NBAS: variants seen among roughly 807,000 people sequenced by gnomAD.
The protein encoded by NBAS is NBAS subunit of NRZ tethering complex, also known as NAG/BC035112 fusion.
In NBAS, 219 loss-of-function variants were observed where a neutral mutation model predicts 302.5. That is an observed-to-expected ratio of 0.72 (90% CI 0.65 to 0.81). NBAS has a LOEUF of 0.81. Among genes scored for constraint, NBAS ranks in the 30% least tolerant of loss-of-function variants. NBAS has a pLI of 0.00. For synonymous variants in NBAS, 1,118 were observed against 1,021.6 expected (o/e 1.09, Z -1.80); for missense variants, 2,932 against 2,841.6 (o/e 1.03, Z -0.72).
chr2:15,238,395 A>G, intron 45 of NBAS, 73 bp downstream of exon 45: 1 of 1,456,538 alleles, frequency 6.9e-7, no homozygotes, highest in South Asian at 1.2e-5. Flanking sequence ...CAAAACGACT[A>G]ATGTAACTTT....
At position 15,427,600 on chromosome 2, in the gene NBAS, T is replaced by C. The variant is rs1572833672; in HGVS notation, c.2423+111A>G. On this transcript the variant is annotated intron_variant, in intron 22 of 51. Transcript: ENST00000281513. ...TAAAACTTCACTCAAACTTTCTAAA[T>C]TAGGGAGTGTCATCAAGTAAGGTTT... 16 of 884,722 alleles carry C rather than the reference T, an allele frequency of 1.8e-5. No individual in the cohort carries two copies. In the East Asian group the frequency reaches 3.7e-4, roughly 20 times the overall value. The allele number at this position is 884,722 out of a possible 1,614,324, so 54.8% of individuals were successfully genotyped here.
intron 9 of NBAS, among the ~76,000 whole-genome samples, chr2:15,516,321 C>T (rs1411496675): frequency 6.6e-6 from 1 of 151,016 alleles, no homozygotes; most frequent in African/African-American, 2.5e-5. Context: ...TCAGTTCATG[C>T]TCATCAAGCT....
intron 9 of NBAS, among the ~76,000 whole-genome samples, chr2:15,521,896 G>A (rs181478618): frequency 7.2e-5 from 11 of 152,156 alleles, no homozygotes; most frequent in Admixed American, 2.0e-4. Flanking sequence ...ACTACAAGAG[G>A]AGAGTTTAGT....
intron 21 of NBAS, among the ~76,000 whole-genome samples, chr2:15,429,205 A>C (rs1390867401): frequency 6.6e-6 from 1 of 152,192 alleles, no homozygotes; most frequent in African/African-American, 2.4e-5. Flanking sequence ...GAAGGGCTTC[A>C]AACATTCTCT....
At chr2:15,094,162 T>TA in the NBAS span, among the ~76,000 whole-genome samples, 3 of 152,236 alleles carry the variant, frequency 2.0e-5, no homozygotes, top group East Asian at 5.8e-4. Flanking sequence ...GTCAGGCCCA[T>TA]AAAAAAGTCA....
At position 15,238,490 on chromosome 2, in the gene NBAS, A is replaced by G. The variant is rs778150697; in HGVS notation, c.5921T>C (p.Leu1974Pro). The G allele has an allele frequency of 9.3e-6, 15 of 1,614,066 alleles. No individual in the cohort carries two copies. Among genetic ancestry groups the G allele is most frequent in the Middle Eastern group, 1.6e-4 (1 of 6,084 alleles). ...TACCTGCTCACTATTCTTCAGAGAA[A>G]GGATGAAGCTGTGGCTCAGGGTTTC... ...HLETLSHSFI[L>P]SLKNSEQETL... is the part of the protein sequence containing the mutation. The change falls in exon 45 of 52, where the codon CTT becomes CCT. Residue 1974 changes from leucine to proline, a missense_variant. Physicochemically the swap from Leu to Pro is moderately conservative, Grantham distance 98 (BLOSUM62 -3). Coordinates refer to ENST00000281513, the MANE Select transcript of NBAS (RefSeq NM_015909.4).
the NBAS span, among the ~76,000 whole-genome samples, chr2:15,018,067 G>A: frequency 2.6e-4 from 39 of 151,886 alleles, no homozygotes; most frequent in African/African-American, 8.2e-4. Context: ...GTTTTCACTC[G>A]TATGTAGAAA....
At position 15,561,267 on chromosome 2, in the gene NBAS, C is replaced by A. The variant is rs1314106746; in HGVS notation, c.38G>T (p.Gly13Val). 1.5e-5 allele frequency: 25 copies of A among 1,613,824 alleles called. No individual in the cohort carries two copies. The highest frequency in any genetic ancestry group is 2.1e-5 in the Non-Finnish European group (25 of 1,180,052). The change falls in exon 1 of 52, where the codon GGC becomes GTC. Residue 13 changes from glycine (G) to valine (V), a missense_variant. Transcript: ENST00000281513. ...APESGPALSP[G>V]TAEGEEETIL... Reference sequence around the variant, plus strand: ...CGTCTCCTCCTCACCCTCTGCAGTGCCTGGACTCAAAGCCGGCCCTGACTC... The same window carrying A: ...CGTCTCCTCCTCACCCTCTGCAGTGACTGGACTCAAAGCCGGCCCTGACTC...
At chr2:15,099,192 A>T in the NBAS span, among the ~76,000 whole-genome samples, 3 of 151,986 alleles carry the variant, frequency 2.0e-5, no homozygotes, top group African/African-American at 7.2e-5. Flanking sequence ...TGTCCCAGCT[A>T]CTCAGAAGGC....
the NBAS span, among the ~76,000 whole-genome samples, chr2:14,990,316 C>T: frequency 4.6e-5 from 7 of 150,542 alleles, no homozygotes; most frequent in East Asian, 2.0e-4. Flanking sequence ...CCCAGCTACT[C>T]GGGAGACTGA....
At chr2:15,534,511 C>T (rs551209030) in intron 9 of NBAS, 32 bp downstream of exon 9, 2 of 1,431,822 alleles carry the variant, frequency 1.4e-6, no homozygotes, top group South Asian at 2.3e-5. Context: ...ATTTCTATGT[C>T]CCACTAAATA....
At chr2:15,088,045 C>A in the NBAS span, among the ~76,000 whole-genome samples, 4 of 152,164 alleles carry the variant, frequency 2.6e-5, no homozygotes, top group Non-Finnish European at 5.9e-5. Flanking sequence ...AGAGGAGATA[C>A]CCGTAGGGTG....
At chr2:14,933,352 T>A in the NBAS span, among the ~76,000 whole-genome samples, 151,238 of 152,330 alleles carry the variant, frequency 0.99, 75,086 homozygotes, top group East Asian at 1. Context: ...TGCTTCTTTT[T>A]TCCAAAATCA....
chr2:15,403,433 A>G (rs776005283), intron 25 of NBAS, among the ~76,000 whole-genome samples: 35 of 152,234 alleles, frequency 2.3e-4, no homozygotes, highest in Non-Finnish European at 4.7e-4. Flanking sequence ...TATCTGGGGG[A>G]AAAAGTGTCT....
intron 21 of NBAS, among the ~76,000 whole-genome samples, chr2:15,457,623 C>T (rs574907130): frequency 6.6e-6 from 1 of 152,206 alleles, no homozygotes; most frequent in Non-Finnish European, 1.5e-5. Flanking sequence ...AGGAGCTATG[C>T]TCTACTCATC....
At chr2:15,318,733 C>G (rs1671640448) in intron 38 of NBAS, among the ~76,000 whole-genome samples, 1 of 152,122 alleles carries the variant, frequency 6.6e-6, no homozygotes, top group African/African-American at 2.4e-5. Context: ...AATACAGGAG[C>G]ACCCAGATTC....
At chr2:14,956,911 A>G in the NBAS span, among the ~76,000 whole-genome samples, 1 of 152,182 alleles carries the variant, frequency 6.6e-6, no homozygotes, top group South Asian at 2.1e-4. Flanking sequence ...TCCAAATTCA[A>G]CATATGCAAA....
the NBAS span, among the ~76,000 whole-genome samples, chr2:14,899,777 C>T: frequency 6.6e-6 from 1 of 150,874 alleles, no homozygotes; most frequent in East Asian, 1.9e-4. Flanking sequence ...TATCAGGCTC[C>T]TGAAATTATT....
At chr2:14,781,935 T>C in the NBAS span, among the ~76,000 whole-genome samples, 1 of 152,130 alleles carries the variant, frequency 6.6e-6, no homozygotes, top group Admixed American at 6.5e-5. Flanking sequence ...CTTAGCATGA[T>C]GGTCATAGCC....
Sources: gnomAD v4.1 joint callset for allele counts (sites outside exome capture counted in the v4.1 genomes callset) on GRCh38, gnomAD v4.1.1 for gene constraint, MANE v1.5 for transcripts, NCBI Gene and HGNC (gene_info 2026-07-23, HGNC 2026-07-21) for gene names.